Variants in SLC38A10 observed in about 807,000 individuals in gnomAD.
SLC38A10 encodes the protein Sodium-coupled neutral amino acid transporter 10.
In SLC38A10, 53 loss-of-function variants were observed where a neutral mutation model predicts 81.0. That is an observed-to-expected ratio of 0.65 (90% CI 0.53 to 0.82). The LOEUF is 0.82. Among genes scored for constraint, SLC38A10 ranks in the 40% least tolerant of loss-of-function variants. The probability of loss-of-function intolerance (pLI) is 0.00; values close to 1 mark genes in which losing one functional copy is unlikely to be tolerated. For missense variants in SLC38A10, 1,471 were observed against 1,545.0 expected, an observed-to-expected ratio of 0.95 and a Z score of 0.80; for synonymous variants, 665 against 655.3, an observed-to-expected ratio of 1.01 and a Z score of -0.23.
At chr17:81,294,746 T>TTAA in intron 1 of SLC38A10, 77 bp downstream of exon 1, 1 of 1,375,034 alleles carries the variant, frequency 7.3e-7, no homozygotes, top group South Asian at 1.5e-5. Context: ...GGCGGGAACT[T>TTAA]TAACCAGGAC....
Position 81,288,345 on chromosome 17 carries a change from AG to A in SLC38A10, c.217+1345del, listed in dbSNP as rs1443238548. Among the ~76,000 whole-genome samples the A allele has an allele frequency of 6.6e-6, 1 of 152,306 alleles. No homozygotes were observed. The highest frequency in any genetic ancestry group is 1.9e-4 in the East Asian group (1 of 5,182). On this transcript the variant is annotated intron_variant, in intron 2 of 15. Transcript: ENST00000374759. This position sits in a 1 kb window ranked among gnomAD's most constrained non-coding sequence, Gnocchi z 5.4. ...CCCGGGGGGCAGGATGGCCTTCTGC[AG>A]GGAGGACCTAACATCCCAGCCGCAC... is the stretch of plus-strand genomic sequence containing the variant.
rs2063170830 is a variant in SLC38A10 at position 81,277,290 on chromosome 17, C to T, written c.627-157G>A. 6.6e-6 allele frequency among the ~76,000 whole-genome samples: 1 copy of T among 152,224 alleles called. No homozygotes were observed. The highest frequency in any genetic ancestry group is 2.4e-5 in the African/African-American group (1 of 41,460). On this transcript the variant is annotated intron_variant, in intron 6 of 15. Transcript: ENST00000374759. The surrounding 1 kb of genome is among the most constrained non-coding windows in gnomAD (Gnocchi z 4.5). ...GGAAGTCCCAGCGCTGAGGCCAGGA[C>T]TTGGTGTTGCTGAGGACAGGAGCGT...
chr17:81,245,254 T>C lies in SLC38A10; in HGVS notation c.*302A>G. 1 of 332,972 alleles carries C rather than the reference T, an allele frequency of 3.0e-6. No homozygotes were observed. Among genetic ancestry groups the C allele is most frequent in the Non-Finnish European group, 5.5e-6 (1 of 181,308 alleles). 20.6% of individuals were successfully genotyped at this position (332,972 alleles called of 1,614,324 possible). Reference sequence around the variant, plus strand: ...ACGCAGCAGCTCCCCAGCCTGAGCCTGGGAGTGCACCAGCCAGCTCGCAGC... The same window carrying C: ...ACGCAGCAGCTCCCCAGCCTGAGCCCGGGAGTGCACCAGCCAGCTCGCAGC... On this transcript the variant is annotated 3_prime_UTR_variant, in exon 16 of 16. Transcript: ENST00000374759.
intron 14 of SLC38A10, 94 bp downstream of exon 14, chr17:81,251,399 C>T (rs772642000): frequency 2.5e-6 from 4 of 1,611,806 alleles, no homozygotes; most frequent in Non-Finnish European, 3.4e-6. Context: ...CCTGGCAGGG[C>T]TCCCGAGGAT....
At position 81,289,938 on chromosome 17, in the gene SLC38A10, G is replaced by A. The variant is rs1044705753; in HGVS notation, c.100-130C>T. On this transcript the variant is annotated intron_variant, in intron 1 of 15. Coordinates refer to ENST00000374759, the MANE Select transcript of SLC38A10 (RefSeq NM_001037984.3). The surrounding 1 kb of genome is among the most constrained non-coding windows in gnomAD (Gnocchi z 5.9). ...GCTCCATCCCAGTCTCCTGCCGAAC[G>A]CGACACTTCCTAGCACTGAAAGGGC... 10 of 703,718 alleles carry A rather than the reference G, an allele frequency of 1.4e-5. No individual in the cohort carries two copies. Among genetic ancestry groups the A allele is most frequent in the Middle Eastern group, 4.1e-4 (1 of 2,426 alleles). 43.6% of individuals were successfully genotyped at this position (703,718 alleles called of 1,614,324 possible). A position where few individuals can be genotyped will look rare whatever the true frequency, so the allele number is the denominator to read the frequency against.
At chr17:81,248,586 G>C (rs945482880) in intron 14 of SLC38A10, among the ~76,000 whole-genome samples, 2 of 152,280 alleles carry the variant, frequency 1.3e-5, no homozygotes, top group African/African-American at 4.8e-5. Context: ...TTTGAAAAAT[G>C]ATGGGTTAGG....
rs771075212 is a variant in SLC38A10 at position 81,245,641 on chromosome 17, T to C, written c.3275A>G (p.Gln1092Arg). 4 of 1,612,280 alleles carry C rather than the reference T, an allele frequency of 2.5e-6. No homozygotes were observed. Among genetic ancestry groups the C allele is most frequent in the South Asian group, 2.2e-5 (2 of 91,026 alleles). The change falls in exon 16 of 16, where the codon CAG becomes CGG. Residue 1092 changes from glutamine to arginine, a missense_variant. This residue lies in a region of SLC38A10 where 751 missense variants were observed against 717.4 expected (regional missense o/e 1.05). Transcript: ENST00000374759. Reference protein sequence around the residue: ...VNDLRGALDAQLRQAAGGALQ... With the variant: ...VNDLRGALDARLRQAAGGALQ... ...AGCTCCCCCCGCAGCCTGGCGGAGC[T>C]GGGCATCCAGGGCGCCACGGAGGTC...
At position 81,271,963 on chromosome 17, in the gene SLC38A10, G is replaced by A. The variant is rs543661152; in HGVS notation, c.1024+553C>T. 6.6e-5 allele frequency among the ~76,000 whole-genome samples: 10 copies of A among 151,778 alleles called. No individual in the cohort carries two copies. In the East Asian group the frequency reaches 1.2e-3, roughly 18 times the overall value. ...AGGATGGTTTCGATCTCCTGACCTC[G>A]TGATCCGCCCGCCTCGGCCTCCCAA... is the stretch of plus-strand genomic sequence containing the variant. On this transcript the variant is annotated intron_variant, in intron 9 of 15. Coordinates refer to ENST00000374759, the MANE Select transcript of SLC38A10 (RefSeq NM_001037984.3).
chr17:81,287,743 G>C (rs573119466), intron 2 of SLC38A10, among the ~76,000 whole-genome samples: 57 of 152,348 alleles, frequency 3.7e-4, no homozygotes, highest in African/African-American at 1.3e-3. Context: ...TTCACATGTA[G>C]CCAAACTGGT....
At chr17:81,266,212 C>T (rs2063068861) in intron 10 of SLC38A10, among the ~76,000 whole-genome samples, 1 of 152,236 alleles carries the variant, frequency 6.6e-6, no homozygotes, top group Non-Finnish European at 1.5e-5. Context: ...GCGACATCAT[C>T]ATTAGCTGCA....
In SLC38A10 at chr17:81,270,162, T is replaced by G. The variant is rs2063101944; in HGVS notation, c.1131+756A>C. ...GGTCCTGGGTGCAGGGACAGAGGCC[T>G]TGAGCCTGGCTGGGAGTGACGCTGC... is the stretch of plus-strand genomic sequence containing the variant. On this transcript the variant is annotated intron_variant, in intron 10 of 15. Coordinates refer to ENST00000374759, the MANE Select transcript of SLC38A10 (RefSeq NM_001037984.3). The surrounding 1 kb of genome is among the most constrained non-coding windows in gnomAD (Gnocchi z 4.0). Among the ~76,000 whole-genome samples the G allele has an allele frequency of 6.6e-6, 1 of 152,192 alleles. No homozygotes were observed. Among genetic ancestry groups the G allele is most frequent in the African/African-American group, 2.4e-5 (1 of 41,446 alleles).
rs1343888892 is a variant in SLC38A10, at chr17:81,265,378, T to G, written c.1132-4984A>C. On this transcript the variant is annotated intron_variant, in intron 10 of 15. Transcript: ENST00000374759. This position sits in a 1 kb window ranked among gnomAD's most constrained non-coding sequence, Gnocchi z 4.2. ...CAGCCTGGGCGACAGAGCGAGACTC[T>G]GTCTCAAAAAATAAAAAAAGAACAA... 1 of 152,230 alleles carries G rather than the reference T, an allele frequency of 6.6e-6. No homozygotes were observed. The highest frequency in any genetic ancestry group is 1.5e-5 in the Non-Finnish European group (1 of 68,056). 9.4% of individuals were successfully genotyped at this position (152,230 alleles called of 1,614,324 possible). A position where few individuals can be genotyped will look rare whatever the true frequency, so the allele number is the denominator to read the frequency against.
Position 81,246,427 on chromosome 17 carries a change from T to C in SLC38A10, c.2489A>G (p.Gln830Arg), listed in dbSNP as rs1364111844. 1.9e-6 allele frequency: 3 copies of C among 1,598,860 alleles called. No homozygotes were observed. The highest frequency in any genetic ancestry group is 2.6e-6 in the Non-Finnish European group (3 of 1,173,492). The part of the protein sequence containing the change: ...GGPDTEPRAA[Q>R]AKLRDGQKDA... ...CTTCTGGCCATCTCTCAGCTTGGCC[T>C]GGGCTGCCCGAGGCTCTGTGTCAGG... Residue 830 changes from glutamine to arginine, a missense_variant, in exon 16 of 16, where the codon CAG (glutamine) becomes CGG (arginine). Around this residue, in one of 2 missense-constraint regions of SLC38A10, gnomAD observed 751 missense variants for 717.4 expected, o/e 1.05. Coordinates refer to ENST00000374759, the MANE Select transcript of SLC38A10 (RefSeq NM_001037984.3).
Position 81,245,552 on chromosome 17 carries a change from G to C in SLC38A10, c.*4C>G. 6.3e-7 allele frequency: 1 copy of C among 1,588,396 alleles called. No individual in the cohort carries two copies. The highest frequency in any genetic ancestry group is 8.6e-7 in the Non-Finnish European group (1 of 1,165,958). ...GCTGGCGTGGCCCTCATGGCCAGCA[G>C]GTGCTAGGACTCCTCTGGAGGCCCA... is the stretch of plus-strand genomic sequence containing the variant. On this transcript the variant is annotated 3_prime_UTR_variant, in exon 16 of 16. Transcript: ENST00000374759.
chr17:81,269,408 G>A (rs2063095596), intron 10 of SLC38A10, among the ~76,000 whole-genome samples: 1 of 152,190 alleles, frequency 6.6e-6, no homozygotes, highest in African/African-American at 2.4e-5. Context: ...AGCTACTCAG[G>A]AGGCTGAGGC....
At chr17:81,252,998 C>T (rs1413988529) in intron 12 of SLC38A10, 75 bp downstream of exon 12, 49 of 1,547,494 alleles carry the variant, frequency 3.2e-5, no homozygotes, top group Admixed American at 1.7e-5. Flanking sequence ...AGAGCCACCC[C>T]GCAGGGTGTC....
chr17:81,290,338 C>A (rs1190070326), intron 1 of SLC38A10, among the ~76,000 whole-genome samples: 1 of 152,114 alleles, frequency 6.6e-6, no homozygotes, highest in Non-Finnish European at 1.5e-5. Context: ...TATCCACAAC[C>A]CAAAAATGGA....
intron 11 of SLC38A10, among the ~76,000 whole-genome samples, chr17:81,257,896 C>G (rs1017526577): frequency 6.6e-6 from 1 of 152,254 alleles, no homozygotes; most frequent in African/African-American, 2.4e-5. Flanking sequence ...ACCGGGAGGA[C>G]AGGGGACCTG....
chr17:81,271,305 C>T (rs981710907), intron 9 of SLC38A10, among the ~76,000 whole-genome samples: 1 of 152,234 alleles, frequency 6.6e-6, no homozygotes, highest in African/African-American at 2.4e-5. Context: ...TGGCTGCGCA[C>T]GGCACGGCTC....
Sources: gnomAD v4.1 joint callset for allele counts (sites outside exome capture counted in the v4.1 genomes callset) on GRCh38, gnomAD v4.1.1 for gene constraint, gnomAD v4.1.1 regional missense constraint, Gnocchi (gnomAD v3.1) non-coding constraint, MANE v1.5 for transcripts, NCBI Gene and HGNC (gene_info 2026-07-23, HGNC 2026-07-21) for gene names.